BICRA: variants seen among roughly 807,000 people sequenced by gnomAD.
The protein encoded by BICRA is BRD4 interacting chromatin remodeling complex associated protein, also known as BRD4-interacting chromatin-remodeling complex-associated protein.
BICRA carries 31 observed loss-of-function variants against 96.9 expected under a neutral mutation model. That is an observed-to-expected ratio of 0.32 (90% confidence interval 0.24 to 0.43). The LOEUF (loss-of-function observed/expected upper bound fraction) is 0.43, where lower values mean the gene tolerates loss of function less well. BICRA is among the 20% of genes least tolerant of loss of function. The pLI is 1.00. For synonymous variants in BICRA, 1,350 were observed against 1,071.8 expected (o/e 1.26, Z -5.07); for missense variants, 2,283 against 2,190.3 (o/e 1.04, Z -0.84).
Position 47,701,743 on chromosome 19 carries a change from C to A in BICRA, c.4011C>A (p.Pro1337=), listed in dbSNP as rs1243717031. 1.3e-6 allele frequency: 2 copies of A among 1,557,306 alleles called. No individual in the cohort carries two copies. The highest frequency in any genetic ancestry group is 1.7e-6 in the Non-Finnish European group (2 of 1,150,312). ...LDPVHQPPPP[P]ATLKVAEPPP... is the part of the protein sequence containing the mutation. ...CCGTGCACCAGCCCCCGCCACCCCC[C>A]GCTACCCTCAAGGTGGCCGAGCCCC... Residue 1337 remains proline, a synonymous_variant, in exon 15 of 15, where the codon CCC becomes CCA. Transcript: ENST00000594866. The surrounding 1 kb of genome is among the most constrained non-coding windows in gnomAD (Gnocchi z 5.4).
At chr19:47,634,929 AT>A (rs1161831657) in intron 1 of BICRA, among the ~76,000 whole-genome samples, 1 of 151,574 alleles carries the variant, frequency 6.6e-6, no homozygotes, top group Non-Finnish European at 1.5e-5. Flanking sequence ...TGCCTGGTTA[AT>A]TTTTTGTATT....
chr19:47,698,851 A>C lies in BICRA; in HGVS notation c.3397+69A>C, dbSNP rs1973391628. 2.0e-5 allele frequency: 28 copies of C among 1,425,050 alleles called. No homozygotes were observed. The highest frequency in any genetic ancestry group is 4.2e-5 in the African/African-American group (3 of 70,650). The allele number at this position is 1,425,050 out of a possible 1,614,324, so 88.3% of individuals were successfully genotyped here. On this transcript the variant is annotated intron_variant, in intron 12 of 14. Transcript: ENST00000594866. The surrounding 1 kb of genome is among the most constrained non-coding windows in gnomAD (Gnocchi z 4.8). Reference sequence around the variant, plus strand: ...CCAGCCCGTGGGGCGGGGCGTCGCCAGTGTGGAGCCGCAGGTCCACGGTGC... The same window carrying C: ...CCAGCCCGTGGGGCGGGGCGTCGCCCGTGTGGAGCCGCAGGTCCACGGTGC...
Position 47,694,567 on chromosome 19 carries a change from C to T in BICRA, c.2736C>T (p.Pro912=). The change falls in exon 8 of 15, where the codon CCC becomes CCT. Residue 912 remains proline (P), a synonymous_variant. Transcript: ENST00000594866. Reference sequence around the variant, plus strand: ...CCGACTTCCAGCTCCAGTTCCCACCCAGCCAGGGGCCCCACAAGTCCCCCA... The same window carrying T: ...CCGACTTCCAGCTCCAGTTCCCACCTAGCCAGGGGCCCCACAAGTCCCCCA... ...TPSDFQLQFP[P]SQGPHKSPTP... is the part of the protein sequence containing the mutation. 5.0e-6 allele frequency: 8 copies of T among 1,610,736 alleles called. No individual in the cohort carries two copies. Among genetic ancestry groups the T allele is most frequent in the Non-Finnish European group, 6.8e-6 (8 of 1,178,050 alleles).
chr19:47,616,684 A>T (rs1345759709), intron 1 of BICRA, among the ~76,000 whole-genome samples: 2 of 151,772 alleles, frequency 1.3e-5, no homozygotes, highest in Non-Finnish European at 2.9e-5. Flanking sequence ...ACTGGGCCAC[A>T]ATTTCCTCTT....
intron 1 of BICRA, among the ~76,000 whole-genome samples, chr19:47,648,177 A>G (rs1282472581): frequency 2.0e-5 from 3 of 151,586 alleles, no homozygotes; most frequent in Non-Finnish European, 4.4e-5. Flanking sequence ...GCCCAGTTGA[A>G]CTGCCCATCC....
chr19:47,685,738 CCT>C (rs1491199631), intron 7 of BICRA, among the ~76,000 whole-genome samples: 8 of 97,836 alleles, frequency 8.2e-5, no homozygotes, highest in Admixed American at 1.9e-4. Flanking sequence ...GATTTGGCAG[CCT>C]CTGTGTGTGT....
chr19:47,702,512 C>CGCCCTCAG lies in BICRA; in HGVS notation c.*97_*98insGCCCTCAG. 7.4e-7 allele frequency: 1 copy of CGCCCTCAG among 1,343,512 alleles called. No homozygotes were observed. The highest frequency in any genetic ancestry group is 9.6e-7 in the Non-Finnish European group (1 of 1,044,380). 83.2% of individuals were successfully genotyped at this position (1,343,512 alleles called of 1,614,324 possible). A position where few individuals can be genotyped will look rare whatever the true frequency, so the allele number is the denominator to read the frequency against. On this transcript the variant is annotated 3_prime_UTR_variant, in exon 15 of 15. Transcript: ENST00000594866. ...CTCCTGGGGACTCGAGCCGGGGATC[C>CGCCCTCAG]CCTGACGGTTTTTCTTGCCTAAGTT...
rs138208651 is a variant in BICRA at position 47,699,794 on chromosome 19, C to A, written c.3595+389C>A. Among the ~76,000 whole-genome samples, 2 of 152,258 alleles carry A rather than the reference C, an allele frequency of 1.3e-5. No homozygotes were observed. The highest frequency in any genetic ancestry group is 3.9e-4 in the East Asian group (2 of 5,168). On this transcript the variant is annotated intron_variant, in intron 14 of 14. Coordinates refer to ENST00000594866, the MANE Select transcript of BICRA (RefSeq NM_001394372.1). The surrounding 1 kb of genome is among the most constrained non-coding windows in gnomAD (Gnocchi z 5.0). Reference sequence around the variant, plus strand: ...AGTGAGCACCTCCTTAAGTGTTGCACCTTAGGTGGCTCGCTGGCCTCACTC... The same window carrying A: ...AGTGAGCACCTCCTTAAGTGTTGCAACTTAGGTGGCTCGCTGGCCTCACTC...
At chr19:47,636,611 G>T (rs12608596) in intron 1 of BICRA, among the ~76,000 whole-genome samples, 13 of 152,100 alleles carry the variant, frequency 8.5e-5, no homozygotes, top group African/African-American at 2.4e-4. Flanking sequence ...AGGTTCCAGC[G>T]ATTCTCCTGC....
In BICRA at chr19:47,680,764, C is replaced by T. The variant is rs769741066; in HGVS notation, c.1594C>T (p.Pro532Ser). The T allele has an allele frequency of 7.5e-6, 12 of 1,609,910 alleles. No homozygotes were observed. The highest frequency in any genetic ancestry group is 1.7e-5 in the Admixed American group (1 of 59,742). The change falls in exon 6 of 15, where the codon CCC (proline) becomes TCC (serine). Residue 532 changes from proline to serine, a missense_variant. By Grantham distance (74) the Pro-to-Ser change is moderately conservative (BLOSUM62 -1). Transcript: ENST00000594866. The stretch of plus-strand genomic sequence containing the variant: ...ACTGAGCCTGGGCCCCGTGTTGGCC[C>T]CCCACTCCGGGGCCCACAGCGCGCA... ...GPLSLGPVLA[P>S]HSGAHSAHIL...
chr19:47,657,156 G>A lies in BICRA; in HGVS notation c.-107-13287G>A, dbSNP rs778144668. Among the ~76,000 whole-genome samples the A allele has an allele frequency of 2.7e-5, 4 of 150,888 alleles. No homozygotes were observed. In the South Asian group the frequency reaches 8.4e-4, roughly 32 times the overall value. ...GATTACAGGCGTGAGCCACTGCGCC[G>A]GGCCCATGTTCTAGATCTTTACACA... On this transcript the variant is annotated intron_variant, in intron 1 of 14. Transcript: ENST00000594866.
rs1241843646 is a variant in BICRA, at chr19:47,694,926, C to T, written c.2922C>T (p.Asn974=). 5 of 1,526,648 alleles carry T rather than the reference C, an allele frequency of 3.3e-6. No homozygotes were observed. Among genetic ancestry groups the T allele is most frequent in the Non-Finnish European group, 4.4e-6 (5 of 1,145,512 alleles). The allele number at this position is 1,526,648 out of a possible 1,614,324, so 94.6% of individuals were successfully genotyped here. A position where few individuals can be genotyped will look rare whatever the true frequency, so the allele number is the denominator to read the frequency against. ...TGCCGTCCGGAATCATCCTCCAGAA[C>T]AAGGCTGGGGGGGCCCCTGCCGCCC... ...HQVPSGIILQ[N]KAGGAPAAPQ... is the part of the protein sequence containing the mutation. The change falls in exon 9 of 15, where the codon AAC becomes AAT. Residue 974 remains asparagine, a synonymous_variant. Transcript: ENST00000594866.
At chr19:47,628,059 C>T (rs775162741) in intron 1 of BICRA, among the ~76,000 whole-genome samples, 3 of 152,270 alleles carry the variant, frequency 2.0e-5, no homozygotes, top group East Asian at 3.9e-4. Context: ...TGAGCCACCG[C>T]GCCGGGCCAG....
chr19:47,676,259 C>T lies in BICRA; in HGVS notation c.150+343C>T, dbSNP rs1459560901. Reference sequence around the variant, plus strand: ...GGTTGTGGGGTTCACAGGGGCACTCCTGGAGAGCAGAGGGCTGGGGGAGGC... The same window carrying T: ...GGTTGTGGGGTTCACAGGGGCACTCTTGGAGAGCAGAGGGCTGGGGGAGGC... On this transcript the variant is annotated intron_variant, in intron 5 of 14. Transcript: ENST00000594866. Among the ~76,000 whole-genome samples, 4 of 151,930 alleles carry T rather than the reference C, an allele frequency of 2.6e-5. No homozygotes were observed. The East Asian group carries it at 7.7e-4, about 29-fold the overall frequency.
In BICRA at chr19:47,685,780, T is replaced by TGCGCGCGCGC. The variant is rs1356497911; in HGVS notation, c.2283+3629_2283+3630insCGCGCGCGCG. ...GTGTGTGTGTGTGTGTGTGTGTGTG[T>TGCGCGCGCGC]GTGTGTGCGCGCGCGCGCGCATGCG... On this transcript the variant is annotated intron_variant, in intron 7 of 14. Coordinates refer to ENST00000594866, the MANE Select transcript of BICRA (RefSeq NM_001394372.1). Among the ~76,000 whole-genome samples, 39 of 131,184 alleles carry TGCGCGCGCGC rather than the reference T, an allele frequency of 3.0e-4. 1 individual carries two copies. Among genetic ancestry groups the TGCGCGCGCGC allele is most frequent in the East Asian group, 9.1e-4 (3 of 3,306 alleles). The allele number at this position is 131,184 out of a possible 152,430, so 86.1% of individuals were successfully genotyped here.
Position 47,655,810 on chromosome 19 carries a change from C to T in BICRA, c.-107-14633C>T, listed in dbSNP as rs186357475. ...GGTGGAGGTTGCAGTGAGCCGAGAT[C>T]GCTGCACTGCACTCCAGTCTGGGTG... On this transcript the variant is annotated intron_variant, in intron 1 of 14. Transcript: ENST00000594866. Among the ~76,000 whole-genome samples, 260 of 151,394 alleles carry T rather than the reference C, an allele frequency of 1.7e-3. 1 individual carries two copies. The highest frequency in any genetic ancestry group is 5.9e-3 in the African/African-American group (245 of 41,204).
At chr19:47,609,218 C>T (rs957335435) in intron 1 of BICRA, 50 bp downstream of exon 1, 5 of 150,588 alleles carry the variant, frequency 3.3e-5, no homozygotes, top group African/African-American at 1.2e-4. Context: ...TTAACTCTCT[C>T]TACCTGCGAG....
rs774210917 is a variant in BICRA at position 47,694,265 on chromosome 19, C to A, written c.2434C>A (p.Arg812Ser). 4.9e-6 allele frequency: 3 copies of A among 606,092 alleles called. No individual in the cohort carries two copies. In the South Asian group the frequency reaches 5.2e-5, roughly 10 times the overall value. 37.5% of individuals were successfully genotyped at this position (606,092 alleles called of 1,614,324 possible). Residue 812 changes from arginine (R) to serine (S), a missense_variant, in exon 8 of 15, where the codon CGC (arginine) becomes AGC (serine). Coordinates refer to ENST00000594866, the MANE Select transcript of BICRA (RefSeq NM_001394372.1). ...ACCCTCCCGGCCACAGAGTGTGTCC[C>A]GCCCTCCCTCAGAGCCACCCTTGCA... ...RPPSRPQSVS[R>S]PPSEPPLHPC... is the part of the protein sequence containing the mutation.
intron 7 of BICRA, among the ~76,000 whole-genome samples, chr19:47,686,227 G>A (rs941786251): frequency 7.3e-5 from 11 of 151,258 alleles, no homozygotes; most frequent in African/African-American, 1.5e-4. Context: ...CACCATGCCC[G>A]GCACAAGAAT....
Sources: allele counts gnomAD v4.1 joint callset (sites outside exome capture counted in the v4.1 genomes callset), GRCh38; gene constraint gnomAD v4.1.1; non-coding constraint Gnocchi (gnomAD v3.1); transcripts MANE v1.5; gene names NCBI Gene and HGNC (gene_info 2026-07-23, HGNC 2026-07-21).